HLA-DPB1: variants seen among roughly 807,000 people sequenced by gnomAD.
HLA-DPB1 encodes major histocompatibility complex, class II, DP beta 1, also known as HLA class II histocompatibility antigen, DP beta 1 chain.
A neutral mutation model predicts 29.4 loss-of-function variants in HLA-DPB1; 30 were observed. That is an observed-to-expected ratio of 1.02 (90% CI 0.76 to 1.38). HLA-DPB1 has a LOEUF of 1.38. HLA-DPB1 is among the 40% of genes most tolerant of loss of function. The pLI, the probability that HLA-DPB1 is intolerant of heterozygous loss-of-function variation, is 0.00. For missense variants in HLA-DPB1, 261 were observed against 327.5 expected (o/e 0.80, Z 1.57); for synonymous variants, 114 against 134.0 (o/e 0.85, Z 1.03).
intron 1 of HLA-DPB1, chr6:33,079,864 G>T: frequency 3.1e-6 from 1 of 318,762 alleles, no homozygotes; most frequent in South Asian, 2.7e-5. Context: ...TGAGTAGAAA[G>T]TTCATGTCCA....
At position 33,080,512 on chromosome 6, in the gene HLA-DPB1, C is replaced by T. The variant is rs1450574181; in HGVS notation, c.101-160C>T. 1 of 1,041,436 alleles carries T rather than the reference C, an allele frequency of 9.6e-7. No individual in the cohort carries two copies. Among genetic ancestry groups the T allele is most frequent in the Non-Finnish European group, 1.5e-6 (1 of 683,062 alleles). The allele number at this position is 1,041,436 out of a possible 1,614,324, so 64.5% of individuals were successfully genotyped here. On this transcript the variant is annotated intron_variant, in intron 1 of 5. Coordinates refer to ENST00000418931, the MANE Select transcript of HLA-DPB1 (RefSeq NM_002121.6). The surrounding 1 kb of genome is among the most constrained non-coding windows in gnomAD (Gnocchi z 4.3). The stretch of plus-strand genomic sequence containing the variant: ...AAACAGGCCTGGAGAGGCTCTGCGA[C>T]CCGCTTAGGACCACAGAACTCGGTA...
intron 2 of HLA-DPB1, chr6:33,081,330 G>A (rs561850077): frequency 4.7e-6 from 1 of 211,384 alleles, no homozygotes; most frequent in East Asian, 1.2e-4. Context: ...GGGGCAGATG[G>A]GTGGTCTGAT....
rs545910027 is a variant in HLA-DPB1, at chr6:33,086,771, A to G, written c.*237A>G. The G allele has an allele frequency of 2.0e-5, 7 of 351,072 alleles. No homozygotes were observed. Among genetic ancestry groups the G allele is most frequent in the Admixed American group, 7.9e-5 (2 of 25,266 alleles). 21.7% of individuals were successfully genotyped at this position (351,072 alleles called of 1,614,324 possible). On this transcript the variant is annotated 3_prime_UTR_variant, in exon 6 of 6. Transcript: ENST00000418931. ...GCACCACAAATAATCAAAACCCAAC[A>G]TGACTGTTTGTTTTCCTTTAAAAAT... is the stretch of plus-strand genomic sequence containing the variant.
At chr6:33,077,371 A>G (rs757152216) in intron 1 of HLA-DPB1, among the ~76,000 whole-genome samples, 64 of 152,198 alleles carry the variant, frequency 4.2e-4, no homozygotes, top group Middle Eastern at 3.4e-3. Context: ...TAGTGCCGCA[A>G]TAAACATATG....
intron 2 of HLA-DPB1, among the ~76,000 whole-genome samples, chr6:33,082,856 A>G (rs957113832): frequency 1.4e-4 from 21 of 152,210 alleles, no homozygotes; most frequent in Non-Finnish European, 2.8e-4. Context: ...ACTGGGTCAG[A>G]AATGAGGCCA....
In HLA-DPB1 at chr6:33,088,229, G is replaced by A. The variant is rs1309280154; in HGVS notation, c.*1695G>A. ...TCATTATGAAATCCTCAGACCCAGAGCACATAAATCCTACCCTCAGAGTCA... is the reference window on the plus strand; with the variant it reads ...TCATTATGAAATCCTCAGACCCAGAACACATAAATCCTACCCTCAGAGTCA... On this transcript the variant is annotated 3_prime_UTR_variant, in exon 6 of 6. Transcript: ENST00000418931. 1.1e-4 allele frequency among the ~76,000 whole-genome samples: 16 copies of A among 152,180 alleles called. No individual in the cohort carries two copies. Among genetic ancestry groups the A allele is most frequent in the Admixed American group, 8.5e-4 (13 of 15,276 alleles).
rs1358103219 is a variant in HLA-DPB1 at position 33,080,282 on chromosome 6, A to G, written c.101-390A>G. The G allele has an allele frequency of 2.6e-6, 1 of 384,386 alleles. No homozygotes were observed. The highest frequency in any genetic ancestry group is 5.1e-6 in the Non-Finnish European group (1 of 196,452). The allele number at this position is 384,386 out of a possible 1,614,324, so 23.8% of individuals were successfully genotyped here. On this transcript the variant is annotated intron_variant, in intron 1 of 5. Transcript: ENST00000418931. This position sits in a 1 kb window ranked among gnomAD's most constrained non-coding sequence, Gnocchi z 4.3. ...GGATGGAAATGTCAGTCAGGGAGTT[A>G]AGTAGGGGGAGCAGCTCCGCCCTCC...
At chr6:33,084,661 A>G (rs1305912614) in intron 2 of HLA-DPB1, among the ~76,000 whole-genome samples, 1 of 151,916 alleles carries the variant, frequency 6.6e-6, no homozygotes, top group Non-Finnish European at 1.5e-5. Flanking sequence ...TAGCCAGGTG[A>G]AGTGGCAGGC....
rs199834306 is a variant in HLA-DPB1 at position 33,085,827 on chromosome 6, G to A, written c.695G>A (p.Gly232Asp). 14 of 1,613,964 alleles carry A rather than the reference G, an allele frequency of 8.7e-6. No homozygotes were observed. Among genetic ancestry groups the A allele is most frequent in the Non-Finnish European group, 1.1e-5 (13 of 1,179,998 alleles). The change falls in exon 4 of 6, where the codon GGC becomes GAC. Residue 232 changes from glycine (G) to aspartate (D), a missense_variant. Coordinates refer to ENST00000418931, the MANE Select transcript of HLA-DPB1 (RefSeq NM_002121.6). ...AGTAAGACATTGACGGGAGCTGGGG[G>A]CTTCGTGCTGGGGCTCATCATCTGT... ...ARSKTLTGAG[G>D]FVLGLIICGV...
At position 33,077,293 on chromosome 6, in the gene HLA-DPB1, T is replaced by C. The variant is rs544321982; in HGVS notation, c.100+1152T>C. Reference sequence around the variant, plus strand: ...CACAGTATTCCATGGTGTATATGTGTGCATTTTCTTAATCCAGTCTATCAC... The same window carrying C: ...CACAGTATTCCATGGTGTATATGTGCGCATTTTCTTAATCCAGTCTATCAC... On this transcript the variant is annotated intron_variant, in intron 1 of 5. Coordinates refer to ENST00000418931, the MANE Select transcript of HLA-DPB1 (RefSeq NM_002121.6). 3.8e-3 allele frequency among the ~76,000 whole-genome samples: 573 copies of C among 152,214 alleles called. 5 individuals carry two copies. Among genetic ancestry groups the C allele is most frequent in the East Asian group, 0.032 (165 of 5,178 alleles).
Position 33,080,950 on chromosome 6 carries a change from T to G in HLA-DPB1, c.364+15T>G. On this transcript the variant is annotated intron_variant, in intron 2 of 5. Transcript: ENST00000418931. The surrounding 1 kb of genome is among the most constrained non-coding windows in gnomAD (Gnocchi z 4.3). ...GCAGCGCCGAGGTGAGTGAGGGCTT[T>G]GGGCCGGCGGTCCCAGGGCAGCCCC... 1 of 1,566,304 alleles carries G rather than the reference T, an allele frequency of 6.4e-7. No homozygotes were observed. The highest frequency in any genetic ancestry group is 1.8e-5 in the Admixed American group (1 of 56,606).
rs769136548 is a variant in HLA-DPB1 at position 33,080,582 on chromosome 6, T to C, written c.101-90T>C. On this transcript the variant is annotated intron_variant, in intron 1 of 5. Transcript: ENST00000418931. This position sits in a 1 kb window ranked among gnomAD's most constrained non-coding sequence, Gnocchi z 4.3. ...AAAATCCAGCCCTGGGTGGGAAGAT[T>C]TGGGAAGAATCGTTAATATTGAGAG... 2 of 1,579,152 alleles carry C rather than the reference T, an allele frequency of 1.3e-6. No homozygotes were observed. The highest frequency in any genetic ancestry group is 1.7e-6 in the Non-Finnish European group (2 of 1,151,536).
intron 1 of HLA-DPB1, chr6:33,079,730 A>T (rs151327433): frequency 2.2e-4 from 111 of 511,034 alleles, no homozygotes; most frequent in African/African-American, 5.7e-4. Context: ...GATGTGCAAC[A>T]AATCTTACTG....
intron 2 of HLA-DPB1, chr6:33,082,121 A>G (rs1339465167): frequency 6.6e-6 from 1 of 152,332 alleles, no homozygotes; most frequent in Non-Finnish European, 1.5e-5. Flanking sequence ...GAAGGTGGAC[A>G]CACTGGGTGG....
At chr6:33,077,306 T>A (rs1235549176) in intron 1 of HLA-DPB1, among the ~76,000 whole-genome samples, 1 of 152,108 alleles carries the variant, frequency 6.6e-6, no homozygotes. Flanking sequence ...ATTTTCTTAA[T>A]CCAGTCTATC....
chr6:33,085,592 A>C (rs534118815), intron 3 of HLA-DPB1, among the ~76,000 whole-genome samples, 187 bp from the exon 4 acceptor site: 2 of 152,230 alleles, frequency 1.3e-5, no homozygotes, highest in East Asian at 3.9e-4. Flanking sequence ...AGCATTTGCC[A>C]CCTTGTTGAG....
intron 4 of HLA-DPB1, 119 bp from the exon 5 acceptor site, chr6:33,086,100 G>A (rs9277484): frequency 0.27 from 257,955 of 954,518 alleles, 43,684 homozygotes; most frequent in East Asian, 0.59. Context: ...AAGTACTCAG[G>A]CTCCTGCGGA....
rs1180988112 is a variant in HLA-DPB1, at chr6:33,088,063, C to G, written c.*1529C>G. 8.0e-6 allele frequency among the ~76,000 whole-genome samples: 1 copy of G among 125,708 alleles called. No individual in the cohort carries two copies. The highest frequency in any genetic ancestry group is 1.6e-5 in the Non-Finnish European group (1 of 61,614). 82.5% of individuals were successfully genotyped at this position (125,708 alleles called of 152,430 possible). A position where few individuals can be genotyped will look rare whatever the true frequency, so the allele number is the denominator to read the frequency against. On this transcript the variant is annotated 3_prime_UTR_variant, in exon 6 of 6. Coordinates refer to ENST00000418931, the MANE Select transcript of HLA-DPB1 (RefSeq NM_002121.6). ...AAGACAGTATATAGTAAATAAGGACCCTTTATCTGTCTTATTTTCCCTTTT... is the reference window on the plus strand; with the variant it reads ...AAGACAGTATATAGTAAATAAGGACGCTTTATCTGTCTTATTTTCCCTTTT...
In HLA-DPB1 at chr6:33,087,482, A is replaced by G. The variant is rs1763161346; in HGVS notation, c.*948A>G. Among the ~76,000 whole-genome samples the G allele has an allele frequency of 1.3e-5, 2 of 150,450 alleles. No individual in the cohort carries two copies. The highest frequency in any genetic ancestry group is 3.0e-5 in the Non-Finnish European group (2 of 67,540). ...TATTGACACCTTTTGGTCAAGGTAG[A>G]GGACATGTTTGTTGTAAGCTTTCTT... is the stretch of plus-strand genomic sequence containing the variant. On this transcript the variant is annotated 3_prime_UTR_variant, in exon 6 of 6. Coordinates refer to ENST00000418931, the MANE Select transcript of HLA-DPB1 (RefSeq NM_002121.6).
Sources: allele counts gnomAD v4.1 joint callset (sites outside exome capture counted in the v4.1 genomes callset), GRCh38; gene constraint gnomAD v4.1.1; non-coding constraint Gnocchi (gnomAD v3.1); transcripts MANE v1.5; gene names NCBI Gene and HGNC (gene_info 2026-07-23, HGNC 2026-07-21).